The following SLC12A2 variants were observed in gnomAD, a reference collection of about 807,000 sequenced individuals.
SLC12A2 encodes solute carrier family 12 member 2.
SLC12A2 carries 67 observed loss-of-function variants against 136.3 expected under a neutral mutation model. The ratio of observed to expected loss-of-function variants is 0.49; its 90% confidence interval spans 0.40 to 0.60. The LOEUF is 0.60. Among genes scored for constraint, SLC12A2 ranks in the 20% least tolerant of loss-of-function variants. The probability of loss-of-function intolerance (pLI) is 0.00; values close to 1 mark genes in which losing one functional copy is unlikely to be tolerated. For missense variants in SLC12A2, 1,322 were observed against 1,534.7 expected, an observed-to-expected ratio of 0.86 and a Z score of 2.32; for synonymous variants, 619 against 562.9, an observed-to-expected ratio of 1.10 and a Z score of -1.41.
Position 128,165,862 on chromosome 5 carries a change from T to C in SLC12A2, c.2617-1899T>C, listed in dbSNP as rs572963651. ...CATTAAGAAGGTACTGGTTATCTTA[T>C]GGCTTAGTTCTTTAAAAAGCTATCA... On this transcript the variant is annotated intron_variant, in intron 17 of 26. Coordinates refer to ENST00000262461, the MANE Select transcript of SLC12A2 (RefSeq NM_001046.3). 2.3e-3 allele frequency among the ~76,000 whole-genome samples: 342 copies of C among 151,888 alleles called. 1 individual carries two copies. The highest frequency in any genetic ancestry group is 7.8e-3 in the African/African-American group (325 of 41,412).
In SLC12A2 at chr5:128,084,179, C is replaced by T; in HGVS notation, c.225C>T (p.Thr75=). 1 of 1,295,398 alleles carries T rather than the reference C, an allele frequency of 7.7e-7. No individual in the cohort carries two copies. The highest frequency in any genetic ancestry group is 9.7e-7 in the Non-Finnish European group (1 of 1,029,998). 80.2% of individuals were successfully genotyped at this position (1,295,398 alleles called of 1,614,324 possible). ...GDGLGRPLGP[T]PSQSRFQVDL... is the part of the protein sequence containing the mutation. ...GGCTGGGCAGACCCTTGGGGCCCACCCCGAGCCAGAGCCGTTTCCAGGTGG... is the reference window on the plus strand; with the variant it reads ...GGCTGGGCAGACCCTTGGGGCCCACTCCGAGCCAGAGCCGTTTCCAGGTGG... The change falls in exon 1 of 27, where the codon ACC becomes ACT. Residue 75 remains threonine (T), a synonymous_variant. Coordinates refer to ENST00000262461, the MANE Select transcript of SLC12A2 (RefSeq NM_001046.3). The surrounding 1 kb of genome is among the most constrained non-coding windows in gnomAD (Gnocchi z 5.6).
At chr5:128,110,543 A>C in intron 1 of SLC12A2, 1 of 1,366,938 alleles carries the variant, frequency 7.3e-7, no homozygotes, top group Non-Finnish European at 1.0e-6. Flanking sequence ...ATTGTGAAAC[A>C]CATTTCATTT....
Position 128,189,261 on chromosome 5 carries a change from G to C in SLC12A2, c.*2630G>C. The C allele has an allele frequency of 6.6e-6, 1 of 151,946 alleles. No individual in the cohort carries two copies. The highest frequency in any genetic ancestry group is 1.5e-5 in the Non-Finnish European group (1 of 67,960). 9.4% of individuals were successfully genotyped at this position (151,946 alleles called of 1,614,324 possible). ...ATTTTTTTATGCCAAATTTTTTTTA[G>C]TTCTAATCATTGATGATAGCTTGGA... On this transcript the variant is annotated 3_prime_UTR_variant, in exon 27 of 27. Transcript: ENST00000262461.
chr5:128,140,025 G>A (rs1244206363), intron 9 of SLC12A2, among the ~76,000 whole-genome samples: 2 of 152,080 alleles, frequency 1.3e-5, no homozygotes. Context: ...TTGAGACGGA[G>A]TCTCACTCTG....
At chr5:128,088,759 G>T (rs150756819) in intron 1 of SLC12A2, among the ~76,000 whole-genome samples, 1 of 152,276 alleles carries the variant, frequency 6.6e-6, no homozygotes, top group African/African-American at 2.4e-5. Context: ...CAAGGGGAAA[G>T]GTCAAGGGAG....
chr5:128,161,591 G>A, intron 16 of SLC12A2, 69 bp from the exon 17 acceptor site: 1 of 988,224 alleles, frequency 1.0e-6, no homozygotes, highest in Non-Finnish European at 1.3e-6. Flanking sequence ...ATAACAGGAT[G>A]AATCATTTGT....
rs184673487 is a variant in SLC12A2, at chr5:128,134,800, C to T, written c.1299+525C>T. On this transcript the variant is annotated intron_variant, in intron 6 of 26. Coordinates refer to ENST00000262461, the MANE Select transcript of SLC12A2 (RefSeq NM_001046.3). The stretch of plus-strand genomic sequence containing the variant: ...GTTTTTGTCTCTTTGAGAATTAGAG[C>T]ATCATAGCACAGCTGTAGTTTCCCA... Among the ~76,000 whole-genome samples, 7 of 152,134 alleles carry T rather than the reference C, an allele frequency of 4.6e-5. No individual in the cohort carries two copies. In the East Asian group the frequency reaches 1.4e-3, roughly 29 times the overall value.
At chr5:128,159,208 C>G (rs990291223) in intron 16 of SLC12A2, among the ~76,000 whole-genome samples, 4 of 151,842 alleles carry the variant, frequency 2.6e-5, no homozygotes, top group African/African-American at 9.7e-5. Flanking sequence ...ATTTTTCTCA[C>G]TAATATGTCT....
At chr5:128,114,453 A>G (rs1365061887) in intron 3 of SLC12A2, 133 bp from the exon 4 acceptor site, 1 of 827,946 alleles carries the variant, frequency 1.2e-6, no homozygotes, top group Non-Finnish European at 1.9e-6. Flanking sequence ...TTTGGTTTTT[A>G]TAAAATGAGA....
In SLC12A2 at chr5:128,150,109, A is replaced by G. The variant is rs189093520; in HGVS notation, c.2107+11A>G. ...TTGCAAAATCTCCAGGTAATTTTACATTTTTAAAAAAGTTTGTAAATATCA... is the reference window on the plus strand; with the variant it reads ...TTGCAAAATCTCCAGGTAATTTTACGTTTTTAAAAAAGTTTGTAAATATCA... On this transcript the variant is annotated intron_variant, in intron 13 of 26. Transcript: ENST00000262461. The G allele has an allele frequency of 2.5e-4, 376 of 1,518,192 alleles. 2 individuals are homozygous for G. The African/African-American group carries it at 4.7e-3, about 19-fold the overall frequency. The allele number at this position is 1,518,192 out of a possible 1,614,324, so 94.0% of individuals were successfully genotyped here. A position where few individuals can be genotyped will look rare whatever the true frequency, so the allele number is the denominator to read the frequency against.
At chr5:128,107,173 G>C (rs1002326482) in intron 1 of SLC12A2, among the ~76,000 whole-genome samples, 1 of 152,176 alleles carries the variant, frequency 6.6e-6, no homozygotes, top group Non-Finnish European at 1.5e-5. Context: ...GATTGTCCCT[G>C]ACTCTACTGT....
At chr5:128,175,168 C>T (rs370959813) in intron 20 of SLC12A2, among the ~76,000 whole-genome samples, 4 of 152,040 alleles carry the variant, frequency 2.6e-5, no homozygotes, top group African/African-American at 4.8e-5. Context: ...AAATAATCTG[C>T]GCTGTGAATC....
At chr5:128,134,004 A>T (rs749723583) in intron 5 of SLC12A2, among the ~76,000 whole-genome samples, 161 bp from the exon 6 acceptor site, 19 of 152,080 alleles carry the variant, frequency 1.2e-4, no homozygotes, top group Non-Finnish European at 1.6e-4. Context: ...AGTGGTAAAT[A>T]GTAATTTGTT....
chr5:128,164,369 G>C (rs1040702045), intron 17 of SLC12A2, among the ~76,000 whole-genome samples: 3 of 152,118 alleles, frequency 2.0e-5, no homozygotes, highest in Non-Finnish European at 4.4e-5. Flanking sequence ...CACTGCAGTG[G>C]ACCATGACAA....
At chr5:128,134,043 C>G (rs1762108277) in intron 5 of SLC12A2, 122 bp from the exon 6 acceptor site, 1 of 560,160 alleles carries the variant, frequency 1.8e-6, no homozygotes, top group Admixed American at 3.0e-5. Context: ...ATTCCTTAAG[C>G]AACCATTTAT....
intron 26 of SLC12A2, among the ~76,000 whole-genome samples, chr5:128,185,120 T>C (rs1345958848): frequency 6.6e-6 from 1 of 152,198 alleles, no homozygotes; most frequent in East Asian, 1.9e-4. Flanking sequence ...TTCTCACCTT[T>C]TTAAAATTCC....
At chr5:128,168,665 A>G (rs952824965) in intron 18 of SLC12A2, 2 of 152,226 alleles carry the variant, frequency 1.3e-5, no homozygotes, top group African/African-American at 2.4e-5. Context: ...ATGGGAGACA[A>G]TTGACGATCA....
chr5:128,182,794 G>T, intron 23 of SLC12A2, 61 bp from the exon 24 acceptor site: 1 of 1,149,016 alleles, frequency 8.7e-7, no homozygotes, highest in South Asian at 1.4e-5. Context: ...TTAGATATAT[G>T]GATTCAGCCC....
intron 4 of SLC12A2, among the ~76,000 whole-genome samples, chr5:128,119,207 A>T (rs941283475): frequency 1.1e-4 from 17 of 152,300 alleles, no homozygotes; most frequent in African/African-American, 3.4e-4. Context: ...CTTAAAAGGA[A>T]ATGGAAAAAT....
Sources: allele counts gnomAD v4.1 joint callset (sites outside exome capture counted in the v4.1 genomes callset), GRCh38; gene constraint gnomAD v4.1.1; non-coding constraint Gnocchi (gnomAD v3.1); transcripts MANE v1.5; gene names NCBI Gene and HGNC (gene_info 2026-07-23, HGNC 2026-07-21).